MAPK8: variants seen among roughly 807,000 people sequenced by gnomAD.
MAPK8 encodes JUN N-terminal kinase.
Under a neutral mutation model 52.9 loss-of-function variants are expected in MAPK8, and 13 were observed. The observed-to-expected ratio is 0.25, with a 90% confidence interval of 0.16 to 0.39. MAPK8 has a LOEUF of 0.39. MAPK8 is among the 10% of genes least tolerant of loss of function. The probability of loss-of-function intolerance (pLI) is 1.00; values close to 1 mark genes in which losing one functional copy is unlikely to be tolerated. For missense variants in MAPK8, 300 were observed against 519.2 expected, an observed-to-expected ratio of 0.58 and a Z score of 4.10; for synonymous variants, 191 against 169.8, an observed-to-expected ratio of 1.12 and a Z score of -0.97.
chr10:48,372,315 T>G (rs1000672197), intron 1 of MAPK8, among the ~76,000 whole-genome samples: 1 of 151,956 alleles, frequency 6.6e-6, no homozygotes, highest in Non-Finnish European at 1.5e-5. Flanking sequence ...ACACCTCTTC[T>G]CCTCCAAAGG....
chr10:48,330,743 T>G (rs1332151073), intron 1 of MAPK8, among the ~76,000 whole-genome samples: 2 of 152,154 alleles, frequency 1.3e-5, no homozygotes, highest in Non-Finnish European at 2.9e-5. Context: ...GTTACAGTCT[T>G]CCCGGACGTT....
chr10:48,354,664 G>A (rs904214448), intron 1 of MAPK8, among the ~76,000 whole-genome samples: 1 of 152,108 alleles, frequency 6.6e-6, no homozygotes, highest in Non-Finnish European at 1.5e-5. Flanking sequence ...GAACCACACT[G>A]CAAAAATTAT....
At chr10:48,356,515 CA>C (rs1315149163) in intron 1 of MAPK8, among the ~76,000 whole-genome samples, 4 of 151,944 alleles carry the variant, frequency 2.6e-5, no homozygotes, top group Non-Finnish European at 5.9e-5. Context: ...AATTAAGCCC[CA>C]ATTAGTTTGA....
chr10:48,388,875 G>T (rs933195445), intron 1 of MAPK8, among the ~76,000 whole-genome samples: 2 of 152,076 alleles, frequency 1.3e-5, no homozygotes, highest in African/African-American at 2.4e-5. Context: ...TAAAGTCCAA[G>T]ATTGGGCACT....
At chr10:48,387,534 C>T (rs2041387671) in intron 1 of MAPK8, among the ~76,000 whole-genome samples, 2 of 152,038 alleles carry the variant, frequency 1.3e-5, no homozygotes, top group African/African-American at 2.4e-5. Context: ...ATAACCTCTT[C>T]CTGGAAGCCT....
intron 1 of MAPK8, among the ~76,000 whole-genome samples, chr10:48,399,607 C>T (rs984722600): frequency 1.3e-5 from 2 of 152,318 alleles, no homozygotes; most frequent in East Asian, 3.9e-4. Context: ...GAAAAGGAAA[C>T]CTGCCCTACT....
Position 48,434,874 on chromosome 10 carries a change from C to T in MAPK8, c.1139-10C>T, listed in dbSNP as rs1220780824. On this transcript the variant is annotated splice_polypyrimidine_tract_variant and intron_variant, in intron 11 of 11. Transcript: ENST00000374189. ...GCAACTGATTTGCTGTTTTGTTTCT[C>T]ATAGCACAGGTGCAGCAGTGATCAA... The T allele has an allele frequency of 6.2e-7, 1 of 1,600,330 alleles. No homozygotes were observed.
At chr10:48,379,737 T>C (rs776725050) in intron 1 of MAPK8, among the ~76,000 whole-genome samples, 3 of 152,168 alleles carry the variant, frequency 2.0e-5, no homozygotes, top group Non-Finnish European at 4.4e-5. Context: ...CTGTTTCATG[T>C]TGGCTTAGCA....
At chr10:48,328,863 G>T (rs1015566561) in intron 1 of MAPK8, among the ~76,000 whole-genome samples, 2 of 152,170 alleles carry the variant, frequency 1.3e-5, no homozygotes, top group Non-Finnish European at 2.9e-5. Flanking sequence ...AGAGATAGTT[G>T]AAAACCACAC....
chr10:48,320,602 C>T (rs1410627758), intron 1 of MAPK8, among the ~76,000 whole-genome samples: 1 of 152,150 alleles, frequency 6.6e-6, no homozygotes, highest in African/African-American at 2.4e-5. Flanking sequence ...TATTTACCTA[C>T]ACTTCATTTG....
chr10:48,334,319 G>C, intron 1 of MAPK8, among the ~76,000 whole-genome samples: 1 of 151,706 alleles, frequency 6.6e-6, no homozygotes, highest in African/African-American at 2.4e-5. Flanking sequence ...CTCCCCAACT[G>C]GAGGTTTCTT....
In MAPK8 at chr10:48,399,712, A is replaced by T. The variant is rs143284200; in HGVS notation, c.-49-1900A>T. Among the ~76,000 whole-genome samples the T allele has an allele frequency of 3.1e-3, 472 of 152,322 alleles. 4 individuals are homozygous for T. Among genetic ancestry groups the T allele is most frequent in the Non-Finnish European group, 4.8e-3 (329 of 68,020 alleles). Reference sequence around the variant, plus strand: ...GTGTTTTGTTACCTGCTTTGGTAACAATATATCACCTCCTGTGAAGCACCA... The same window carrying T: ...GTGTTTTGTTACCTGCTTTGGTAACTATATATCACCTCCTGTGAAGCACCA... On this transcript the variant is annotated intron_variant, in intron 1 of 11. Coordinates refer to ENST00000374189, the MANE Select transcript of MAPK8 (RefSeq NM_001323329.2).
chr10:48,357,930 A>G (rs1027625044), intron 1 of MAPK8, among the ~76,000 whole-genome samples: 2 of 151,970 alleles, frequency 1.3e-5, no homozygotes, highest in African/African-American at 2.4e-5. Flanking sequence ...TTTTTTGGAT[A>G]TTTCATGTTA....
At chr10:48,340,306 T>C (rs1290462880) in intron 1 of MAPK8, among the ~76,000 whole-genome samples, 1 of 151,988 alleles carries the variant, frequency 6.6e-6, no homozygotes, top group Non-Finnish European at 1.5e-5. Flanking sequence ...AACAGAAAAA[T>C]ACCGTATGTT....
chr10:48,385,962 C>T (rs912926603), intron 1 of MAPK8, among the ~76,000 whole-genome samples: 19 of 151,316 alleles, frequency 1.3e-4, no homozygotes, highest in Non-Finnish European at 2.2e-4. Context: ...AACTACCTAG[C>T]GTTAAAAAAA....
At chr10:48,396,407 C>T (rs890134355) in intron 1 of MAPK8, among the ~76,000 whole-genome samples, 3 of 152,094 alleles carry the variant, frequency 2.0e-5, no homozygotes, top group East Asian at 3.8e-4. Context: ...ATATGACACA[C>T]GTACTAGAAT....
intron 1 of MAPK8, among the ~76,000 whole-genome samples, chr10:48,366,383 A>G (rs1364795394): frequency 6.6e-6 from 1 of 152,196 alleles, no homozygotes; most frequent in Non-Finnish European, 1.5e-5. Flanking sequence ...GAGCTGTTCT[A>G]ATAACAGGGA....
At chr10:48,310,955 A>G (rs963375029) in intron 1 of MAPK8, among the ~76,000 whole-genome samples, 16 of 152,084 alleles carry the variant, frequency 1.1e-4, no homozygotes, top group Non-Finnish European at 1.3e-4. Context: ...AAACCTTACA[A>G]TGATTGCTAG....
Position 48,373,630 on chromosome 10 carries a change from G to C in MAPK8, c.-49-27982G>C, listed in dbSNP as rs144704752. ...GTTGCAATCCTAGTCTCTGATAAAA[G>C]AGACTTTAGATCAAAAGAGACAAAG... On this transcript the variant is annotated intron_variant, in intron 1 of 11. Coordinates refer to ENST00000374189, the MANE Select transcript of MAPK8 (RefSeq NM_001323329.2). Among the ~76,000 whole-genome samples, 460 of 79,638 alleles carry C rather than the reference G, an allele frequency of 5.8e-3. 1 individual carries two copies. Among genetic ancestry groups the C allele is most frequent in the Non-Finnish European group, 9.8e-3 (399 of 40,762 alleles). The allele number at this position is 79,638 out of a possible 152,430, so 52.2% of individuals were successfully genotyped here.
Sources: allele counts gnomAD v4.1 joint callset (sites outside exome capture counted in the v4.1 genomes callset), GRCh38; gene constraint gnomAD v4.1.1; transcripts MANE v1.5; gene names NCBI Gene and HGNC (gene_info 2026-07-23, HGNC 2026-07-21).